The following DLG2 variants were observed in gnomAD, a reference collection of about 807,000 sequenced individuals.
The protein encoded by DLG2 is discs large MAGUK scaffold protein 2.
A neutral mutation model predicts 132.5 loss-of-function variants in DLG2; 45 were observed. The ratio of observed to expected loss-of-function variants is 0.34; its 90% CI spans 0.27 to 0.44. The LOEUF (loss-of-function observed/expected upper bound fraction) is 0.44, where lower values mean the gene tolerates loss of function less well. Ranked by LOEUF, DLG2 falls within the 20% of genes least tolerant of loss-of-function variation. The pLI is 1.00. For synonymous variants in DLG2, 424 were observed against 419.6 expected, an observed-to-expected ratio of 1.01 and a Z score of -0.13; for missense variants, 1,045 against 1,196.9, an observed-to-expected ratio of 0.87 and a Z score of 1.87.
intron 18 of DLG2, among the ~76,000 whole-genome samples, chr11:83,693,511 C>G (rs2081352183): frequency 2.2e-5 from 2 of 89,890 alleles, no homozygotes; most frequent in African/African-American, 1.2e-4. Context: ...CCACCCTTCT[C>G]TCCTACCCTT....
chr11:85,185,319 T>C (rs867401089), intron 4 of DLG2, among the ~76,000 whole-genome samples: 1 of 152,032 alleles, frequency 6.6e-6, no homozygotes, highest in Admixed American at 6.6e-5. Context: ...AAATTCATTA[T>C]GTTATCTTTA....
intron 6 of DLG2, among the ~76,000 whole-genome samples, chr11:84,745,705 G>C (rs989815495): frequency 6.6e-6 from 1 of 152,012 alleles, no homozygotes; most frequent in African/African-American, 2.4e-5. Context: ...AAACAGCAGC[G>C]ATAAGACTTA....
At chr11:84,495,334 A>G (rs1297750789) in intron 7 of DLG2, among the ~76,000 whole-genome samples, 1 of 152,154 alleles carries the variant, frequency 6.6e-6, no homozygotes, top group Non-Finnish European at 1.5e-5. Context: ...CCTAAGAGTT[A>G]GGGAAGCACG....
At chr11:83,478,843 C>T (rs566904677) in intron 22 of DLG2, among the ~76,000 whole-genome samples, 8 of 151,988 alleles carry the variant, frequency 5.3e-5, no homozygotes, top group African/African-American at 1.4e-4. Flanking sequence ...TATTTTTCTA[C>T]GTACTAAATT....
At chr11:83,617,268 G>T (rs1226141162) in intron 19 of DLG2, among the ~76,000 whole-genome samples, 2 of 152,162 alleles carry the variant, frequency 1.3e-5, no homozygotes, top group Admixed American at 6.6e-5. Context: ...TTGCCACATT[G>T]CATCTTCCTA....
intron 11 of DLG2, among the ~76,000 whole-genome samples, chr11:84,005,883 T>C (rs1196010211): frequency 1.3e-5 from 2 of 151,832 alleles, no homozygotes; most frequent in Admixed American, 6.6e-5. Flanking sequence ...GAATGTAAAA[T>C]AGTGCAGCCA....
rs1250299203 is a variant in DLG2, at chr11:83,980,593, T to C, written c.969A>G (p.Gly323=). Residue 323 remains glycine (G), a synonymous_variant, in exon 12 of 28, where the codon GGA becomes GGG. Transcript: ENST00000376104. The stretch of plus-strand genomic sequence containing the variant: ...TTTTAGTTACATAAATGCTGTTGTC[T>C]CCAGGAATGTGTTGGTTCCCCACAC... ...AGGVGNQHIP[G]DNSIYVTKII... is the part of the protein sequence containing the mutation. 6.2e-7 allele frequency: 1 copy of C among 1,613,560 alleles called. No homozygotes were observed. Among genetic ancestry groups the C allele is most frequent in the African/African-American group, 1.3e-5 (1 of 74,876 alleles).
intron 7 of DLG2, among the ~76,000 whole-genome samples, chr11:84,351,313 C>A (rs190338571): frequency 1.8e-4 from 27 of 152,010 alleles, no homozygotes; most frequent in African/African-American, 6.5e-4. Context: ...GTTTTTCAGC[C>A]CAGGTCCTCT....
At chr11:85,053,561 G>A (rs1176623092) in intron 6 of DLG2, among the ~76,000 whole-genome samples, 1 of 151,030 alleles carries the variant, frequency 6.6e-6, no homozygotes, top group East Asian at 2.0e-4. Context: ...GGCCTAGGTG[G>A]GTGGATCACA....
intron 3 of DLG2, among the ~76,000 whole-genome samples, chr11:85,523,866 C>A (rs192264622): frequency 3.9e-5 from 6 of 151,954 alleles, no homozygotes; most frequent in African/African-American, 9.7e-5. Context: ...AAAGAAAATG[C>A]GGTACATATA....
At chr11:84,035,177 C>T (rs1395117226) in intron 11 of DLG2, among the ~76,000 whole-genome samples, 1 of 152,096 alleles carries the variant, frequency 6.6e-6, no homozygotes, top group African/African-American at 2.4e-5. Context: ...CCTACTCTCC[C>T]TACCTCTGCC....
chr11:83,716,963 T>C (rs1184464268), intron 18 of DLG2, among the ~76,000 whole-genome samples: 1 of 152,216 alleles, frequency 6.6e-6, no homozygotes, highest in Non-Finnish European at 1.5e-5. Flanking sequence ...ACCATACTCT[T>C]AGGCTTACTG....
chr11:83,761,946 T>C (rs1046253010), intron 18 of DLG2, among the ~76,000 whole-genome samples: 1 of 152,194 alleles, frequency 6.6e-6, no homozygotes, highest in African/African-American at 2.4e-5. Context: ...CAGGGAGTTA[T>C]TGTAATTACC....
chr11:85,137,348 C>A (rs1594750876), intron 5 of DLG2, among the ~76,000 whole-genome samples: 1 of 152,052 alleles, frequency 6.6e-6, no homozygotes, highest in African/African-American at 2.4e-5. Flanking sequence ...ATTATAATCC[C>A]TATTTTATAG....
intron 8 of DLG2, among the ~76,000 whole-genome samples, chr11:84,168,812 CACACACACACACAT>C (rs2095738321): frequency 1.7e-5 from 2 of 115,484 alleles, no homozygotes; most frequent in Admixed American, 9.7e-5. Context: ...AGCAAATCAA[CACACACACACACAT>C]ACACACACAC....
chr11:83,696,886 T>C (rs1323638375), intron 18 of DLG2, among the ~76,000 whole-genome samples: 1 of 152,150 alleles, frequency 6.6e-6, no homozygotes, highest in Admixed American at 6.5e-5. Context: ...CAAAAGAGAA[T>C]ATGTACCAAG....
chr11:84,520,035 A>G (rs2154516381), intron 7 of DLG2, among the ~76,000 whole-genome samples: 1 of 152,326 alleles, frequency 6.6e-6, no homozygotes, highest in Non-Finnish European at 1.5e-5. Context: ...TCTTTCCTGA[A>G]TCATCTCTAC....
chr11:85,604,268 G>A (rs2080364695), intron 2 of DLG2, among the ~76,000 whole-genome samples: 1 of 152,158 alleles, frequency 6.6e-6, no homozygotes, highest in African/African-American at 2.4e-5. Context: ...TGGAATTGTG[G>A]CTGCCCTTTT....
intron 9 of DLG2, among the ~76,000 whole-genome samples, chr11:84,135,951 G>C (rs972853809): frequency 6.6e-6 from 1 of 152,068 alleles, no homozygotes; most frequent in African/African-American, 2.4e-5. Flanking sequence ...GTGGGTAGTT[G>C]TGTCTGGGAA....
Sources: gnomAD v4.1 joint callset for allele counts (sites outside exome capture counted in the v4.1 genomes callset) on GRCh38, gnomAD v4.1.1 for gene constraint, MANE v1.5 for transcripts, NCBI Gene and HGNC (gene_info 2026-07-23, HGNC 2026-07-21) for gene names.